The following GNAQ variants were observed in gnomAD, a reference collection of about 807,000 sequenced individuals.
GNAQ encodes the protein guanine nucleotide-binding protein G(q) subunit alpha.
A neutral mutation model predicts 43.9 loss-of-function variants in GNAQ; 8 were observed. The ratio of observed to expected loss-of-function variants is 0.18; its 90% CI spans 0.11 to 0.33. The LOEUF (loss-of-function observed/expected upper bound fraction) is 0.33, where lower values mean the gene tolerates loss of function less well. Among genes scored for constraint, GNAQ ranks in the 10% least tolerant of loss-of-function variants. The pLI is 1.00. For missense variants in GNAQ, 158 were observed against 450.8 expected (o/e 0.35, Z 5.88); for synonymous variants, 155 against 170.7 (o/e 0.91, Z 0.71).
At chr9:77,825,321 C>T (rs575216859) in intron 2 of GNAQ, among the ~76,000 whole-genome samples, 2 of 149,992 alleles carry the variant, frequency 1.3e-5, no homozygotes, top group South Asian at 4.3e-4. Flanking sequence ...TTCATACCTC[C>T]ACAGTAAGAC....
At chr9:77,960,503 A>G (rs1049823505) in intron 1 of GNAQ, among the ~76,000 whole-genome samples, 1 of 152,130 alleles carries the variant, frequency 6.6e-6, no homozygotes, top group Non-Finnish European at 1.5e-5. Context: ...TCCCGGCTCA[A>G]TCTCTGAGAG....
At chr9:77,733,266 T>C (rs1475000226) in intron 5 of GNAQ, among the ~76,000 whole-genome samples, 2 of 152,200 alleles carry the variant, frequency 1.3e-5, no homozygotes, top group East Asian at 1.9e-4. Flanking sequence ...ATACCTCTAA[T>C]ATTTATTTAA....
At chr9:77,855,252 T>C (rs1239178696) in intron 2 of GNAQ, among the ~76,000 whole-genome samples, 5 of 151,358 alleles carry the variant, frequency 3.3e-5, no homozygotes, top group Non-Finnish European at 2.9e-5. Context: ...AAAATTAGGA[T>C]AAAGAAAGGA....
intron 5 of GNAQ, among the ~76,000 whole-genome samples, chr9:77,775,939 TAAAAGAAAAGA>T (rs1042549899): frequency 1.3e-5 from 2 of 151,348 alleles, no homozygotes; most frequent in African/African-American, 4.9e-5. Flanking sequence ...AAATAAAAAA[TAAAAGAAAAGA>T]AAAAGAAAAA....
intron 2 of GNAQ, among the ~76,000 whole-genome samples, chr9:77,820,478 T>C (rs1355619806): frequency 1.3e-5 from 2 of 152,216 alleles, no homozygotes; most frequent in Non-Finnish European, 2.9e-5. Flanking sequence ...TGGGTTCTCA[T>C]TGTGAGTGAT....
At chr9:77,828,816 T>C (rs866617121) in intron 2 of GNAQ, among the ~76,000 whole-genome samples, 2 of 152,216 alleles carry the variant, frequency 1.3e-5, no homozygotes, top group Middle Eastern at 3.2e-3. Context: ...CTAGGACCAG[T>C]CTCTTAACCT....
At chr9:77,738,359 T>C (rs1825604477) in intron 5 of GNAQ, among the ~76,000 whole-genome samples, 1 of 152,146 alleles carries the variant, frequency 6.6e-6, no homozygotes, top group Non-Finnish European at 1.5e-5. Context: ...TAAATTTTAA[T>C]TGGCTTTTCC....
intron 2 of GNAQ, among the ~76,000 whole-genome samples, chr9:77,876,504 G>C (rs1339305748): frequency 3.3e-5 from 5 of 152,202 alleles, no homozygotes; most frequent in African/African-American, 1.2e-4. Context: ...CTGGATAACA[G>C]GGACTTATTA....
intron 5 of GNAQ, among the ~76,000 whole-genome samples, chr9:77,754,694 C>G (rs146722085): frequency 8.7e-4 from 133 of 152,262 alleles, no homozygotes; most frequent in Non-Finnish European, 1.3e-3. Context: ...CCAAGACCTG[C>G]CAAGTACATC....
At chr9:77,886,153 G>T (rs1828302399) in intron 2 of GNAQ, among the ~76,000 whole-genome samples, 1 of 152,110 alleles carries the variant, frequency 6.6e-6, no homozygotes, top group African/African-American at 2.4e-5. Context: ...TTTTAGTAGA[G>T]ATGGGGTTTC....
intron 1 of GNAQ, among the ~76,000 whole-genome samples, chr9:77,998,034 T>G (rs959924287): frequency 3.9e-5 from 6 of 152,110 alleles, no homozygotes; most frequent in African/African-American, 1.4e-4. Context: ...TCCTCCTCCT[T>G]TCTTCCCCAC....
chr9:77,887,150 A>AG (rs1381803097), intron 2 of GNAQ, among the ~76,000 whole-genome samples: 1 of 152,062 alleles, frequency 6.6e-6, no homozygotes, highest in Non-Finnish European at 1.5e-5. Flanking sequence ...AATAAAATAA[A>AG]GTAAAATAAA....
intron 1 of GNAQ, among the ~76,000 whole-genome samples, chr9:78,010,355 C>T (rs1443568076): frequency 6.6e-6 from 1 of 152,128 alleles, no homozygotes; most frequent in Non-Finnish European, 1.5e-5. Context: ...AAGCTAGTTA[C>T]AGGACAGATT....
At chr9:77,726,465 G>A (rs1279367948) in intron 6 of GNAQ, among the ~76,000 whole-genome samples, 2 of 152,166 alleles carry the variant, frequency 1.3e-5, no homozygotes, top group Non-Finnish European at 2.9e-5. Context: ...TCATGAGCCA[G>A]GACTGTACCA....
intron 1 of GNAQ, among the ~76,000 whole-genome samples, chr9:78,009,246 T>C (rs1823744849): frequency 6.6e-6 from 1 of 152,232 alleles, no homozygotes; most frequent in Non-Finnish European, 1.5e-5. Flanking sequence ...AACTTCAGGT[T>C]ATCGGGAGAG....
intron 5 of GNAQ, among the ~76,000 whole-genome samples, chr9:77,729,093 TAACTC>T (rs67011392): frequency 0.58 from 87,068 of 151,288 alleles, 27,452 homozygotes; most frequent in Non-Finnish European, 0.71. Context: ...GCCTCACAAT[TAACTC>T]TATTCTAAGC....
intron 2 of GNAQ, among the ~76,000 whole-genome samples, chr9:77,918,978 G>A (rs753461863): frequency 6.6e-5 from 10 of 152,248 alleles, no homozygotes; most frequent in East Asian, 3.9e-4. Flanking sequence ...GCAGCGTAGC[G>A]GCATGATCTC....
intron 5 of GNAQ, among the ~76,000 whole-genome samples, chr9:77,732,607 CT>C (rs776148391): frequency 1.3e-5 from 2 of 152,282 alleles, no homozygotes; most frequent in Non-Finnish European, 2.9e-5. Context: ...CTCAAGTGAT[CT>C]GCCTGCCTTG....
intron 2 of GNAQ, among the ~76,000 whole-genome samples, chr9:77,882,630 T>C (rs905439157): frequency 1.3e-5 from 2 of 152,148 alleles, no homozygotes; most frequent in African/African-American, 2.4e-5. Context: ...CATGGAATGG[T>C]ATTCACCACG....
Sources: gnomAD v4.1 joint callset for allele counts (sites outside exome capture counted in the v4.1 genomes callset) on GRCh38, gnomAD v4.1.1 for gene constraint, MANE v1.5 for transcripts, NCBI Gene and HGNC (gene_info 2026-07-23, HGNC 2026-07-21) for gene names.